FBXL7: variants seen among roughly 807,000 people sequenced by gnomAD.
FBXL7 encodes F-box and leucine rich repeat protein 7.
Under a neutral mutation model 38.3 loss-of-function variants are expected in FBXL7, and 12 were observed. The ratio of observed to expected loss-of-function variants is 0.31; its 90% CI spans 0.20 to 0.51. FBXL7 has a LOEUF of 0.51. Among genes scored for constraint, FBXL7 ranks in the 20% least tolerant of loss-of-function variants. The pLI is 0.98. For missense variants in FBXL7, 567 were observed against 676.4 expected (o/e 0.84, Z 1.79); for synonymous variants, 297 against 300.9 (o/e 0.99, Z 0.13).
At chr5:15,729,424 C>A (rs955750244) in intron 2 of FBXL7, among the ~76,000 whole-genome samples, 1 of 152,008 alleles carries the variant, frequency 6.6e-6, no homozygotes. Flanking sequence ...ATTTTTATGA[C>A]CCATGTTCCA....
chr5:15,732,545 A>T (rs972707801), intron 2 of FBXL7, among the ~76,000 whole-genome samples: 5 of 152,208 alleles, frequency 3.3e-5, no homozygotes, highest in African/African-American at 9.6e-5. Context: ...GGGATGCAGA[A>T]TGTCTGCATT....
chr5:15,845,904 G>T (rs7710035), intron 2 of FBXL7, among the ~76,000 whole-genome samples: 4 of 152,292 alleles, frequency 2.6e-5, no homozygotes, highest in African/African-American at 9.6e-5. Flanking sequence ...CCCAGGAGGC[G>T]GAGCTTGCAA....
intron 2 of FBXL7, among the ~76,000 whole-genome samples, chr5:15,718,666 G>C (rs1025014254): frequency 6.6e-6 from 1 of 152,150 alleles, no homozygotes; most frequent in African/African-American, 2.4e-5. Flanking sequence ...AGGCTTTTCC[G>C]CTAAGGAAAA....
chr5:15,794,871 A>C (rs1737374908), intron 2 of FBXL7, among the ~76,000 whole-genome samples: 1 of 152,224 alleles, frequency 6.6e-6, no homozygotes, highest in Non-Finnish European at 1.5e-5. Context: ...TTTTTCCTCT[A>C]TAGTTAGAAA....
intron 2 of FBXL7, among the ~76,000 whole-genome samples, chr5:15,735,971 G>A (rs936836362): frequency 2.0e-5 from 3 of 152,194 alleles, no homozygotes; most frequent in Non-Finnish European, 4.4e-5. Flanking sequence ...TTGTTAAAGC[G>A]AGAGCAGGAC....
chr5:15,521,694 T>C (rs951029034), intron 1 of FBXL7, among the ~76,000 whole-genome samples: 1 of 152,150 alleles, frequency 6.6e-6, no homozygotes, highest in African/African-American at 2.4e-5. Flanking sequence ...AGTGTTTAGA[T>C]CCAAGACGTG....
intron 2 of FBXL7, among the ~76,000 whole-genome samples, chr5:15,624,971 A>G (rs1399420249): frequency 6.6e-6 from 1 of 150,844 alleles, no homozygotes; most frequent in Non-Finnish European, 1.5e-5. Context: ...CTCTTTGCAC[A>G]TGCCCCCTCC....
intron 2 of FBXL7, among the ~76,000 whole-genome samples, chr5:15,846,985 G>A (rs761171648): frequency 1.3e-5 from 2 of 152,010 alleles, no homozygotes; most frequent in Non-Finnish European, 2.9e-5. Context: ...CAATAATCTT[G>A]AATATTGATG....
intron 1 of FBXL7, among the ~76,000 whole-genome samples, chr5:15,565,242 T>C (rs6867762): frequency 0.98 from 148,738 of 152,186 alleles, 73,056 homozygotes; most frequent in Middle Eastern, 1. Context: ...TCCATTGAAA[T>C]CTAGACTGTT....
chr5:15,519,529 A>T (rs1737041821), intron 1 of FBXL7, among the ~76,000 whole-genome samples: 1 of 152,092 alleles, frequency 6.6e-6, no homozygotes, highest in Admixed American at 6.5e-5. Flanking sequence ...GGCTCAAAGA[A>T]GTTGTCACAG....
intron 2 of FBXL7, among the ~76,000 whole-genome samples, chr5:15,621,661 T>C (rs182262647): frequency 6.6e-6 from 1 of 152,328 alleles, no homozygotes; most frequent in African/African-American, 2.4e-5. Context: ...CTCAGTCTTT[T>C]CTGGAGCTGG....
chr5:15,697,451 A>G (rs935872107), intron 2 of FBXL7, among the ~76,000 whole-genome samples: 3 of 152,292 alleles, frequency 2.0e-5, no homozygotes, highest in African/African-American at 4.8e-5. Context: ...GAAGGCAACT[A>G]GAGAGCATAT....
In FBXL7 at chr5:15,792,596, A is replaced by G. The variant is rs1201444224; in HGVS notation, c.128-135294A>G. On this transcript the variant is annotated intron_variant, in intron 2 of 3. Coordinates refer to ENST00000504595, the MANE Select transcript of FBXL7 (RefSeq NM_012304.5). ...TGTTGGAGTTACCTTTCAGGAAGGTAAAGACTTTGACAGGGTTCCAATGAG... is the reference window on the plus strand; with the variant it reads ...TGTTGGAGTTACCTTTCAGGAAGGTGAAGACTTTGACAGGGTTCCAATGAG... Among the ~76,000 whole-genome samples, 3 of 152,210 alleles carry G rather than the reference A, an allele frequency of 2.0e-5. No homozygotes were observed. In the East Asian group the frequency reaches 5.8e-4, roughly 29 times the overall value.
At chr5:15,729,701 A>C (rs1735520667) in intron 2 of FBXL7, among the ~76,000 whole-genome samples, 1 of 152,288 alleles carries the variant, frequency 6.6e-6, no homozygotes, top group South Asian at 2.1e-4. Flanking sequence ...AAACAGTTAC[A>C]TGTGATGTAT....
At chr5:15,557,001 G>A (rs963076700) in intron 1 of FBXL7, among the ~76,000 whole-genome samples, 3 of 152,108 alleles carry the variant, frequency 2.0e-5, no homozygotes, top group Admixed American at 6.5e-5. Flanking sequence ...GCGGTGGCGC[G>A]ATCTCGGCTC....
intron 2 of FBXL7, among the ~76,000 whole-genome samples, chr5:15,619,703 T>C (rs1471034490): frequency 6.6e-6 from 1 of 152,202 alleles, no homozygotes; most frequent in Non-Finnish European, 1.5e-5. Flanking sequence ...TAAAATGACA[T>C]ATATTGTAAA....
chr5:15,829,736 A>G (rs1184476282), intron 2 of FBXL7, among the ~76,000 whole-genome samples: 3 of 152,196 alleles, frequency 2.0e-5, no homozygotes, highest in Non-Finnish European at 4.4e-5. Context: ...CCTGAAAGTA[A>G]AGAATATTAA....
In FBXL7 at chr5:15,889,719, A is replaced by G. The variant is rs139856882; in HGVS notation, c.128-38171A>G. On this transcript the variant is annotated intron_variant, in intron 2 of 3. Transcript: ENST00000504595. ...TCTGAAACTCCCTCAGGTGATTTCAACATGCAGCCAAGTGTGAGAATAGGT... is the reference window on the plus strand; with the variant it reads ...TCTGAAACTCCCTCAGGTGATTTCAGCATGCAGCCAAGTGTGAGAATAGGT... 1.1e-3 allele frequency among the ~76,000 whole-genome samples: 169 copies of G among 152,322 alleles called. 5 individuals are homozygous for G. In the East Asian group the frequency reaches 0.028, roughly 25 times the overall value.
At chr5:15,557,915 T>C (rs1738298367) in intron 1 of FBXL7, among the ~76,000 whole-genome samples, 1 of 152,232 alleles carries the variant, frequency 6.6e-6, no homozygotes, top group African/African-American at 2.4e-5. Flanking sequence ...ACACAAATTG[T>C]GTGATTTCAC....
Sources: gnomAD v4.1 joint callset for allele counts (sites outside exome capture counted in the v4.1 genomes callset) on GRCh38, gnomAD v4.1.1 for gene constraint, MANE v1.5 for transcripts, NCBI Gene and HGNC (gene_info 2026-07-23, HGNC 2026-07-21) for gene names.